FOXO3: variants seen among roughly 807,000 people sequenced by gnomAD.
FOXO3 encodes the protein forkhead box O3.
A neutral mutation model predicts 41.9 loss-of-function variants in FOXO3; 4 were observed. The ratio of observed to expected loss-of-function variants is 0.10; its 90% confidence interval spans 0.05 to 0.22. The LOEUF is 0.22. FOXO3 is among the 10% of genes least tolerant of loss of function. FOXO3 has a pLI of 1.00. For missense variants in FOXO3, 534 were observed against 906.8 expected (o/e 0.59, Z 5.28); for synonymous variants, 318 against 389.3 (o/e 0.82, Z 2.16).
chr6:108,668,785 A>G (rs1779129916), intron 2 of FOXO3, among the ~76,000 whole-genome samples: 1 of 152,176 alleles, frequency 6.6e-6, no homozygotes, highest in Non-Finnish European at 1.5e-5. Flanking sequence ...CTCATTTGTC[A>G]AAAGAAGACA....
At chr6:108,656,284 G>A (rs1778685689) in intron 1 of FOXO3, 3 of 738,632 alleles carry the variant, frequency 4.1e-6, no homozygotes, top group African/African-American at 1.9e-5. Context: ...GATACCACAT[G>A]TTGCTTCCAG....
intron 1 of FOXO3, among the ~76,000 whole-genome samples, chr6:108,565,050 G>A (rs1168015783): frequency 3.3e-5 from 5 of 151,980 alleles, no homozygotes; most frequent in Non-Finnish European, 7.4e-5. Context: ...CATAAGTAGC[G>A]CTTGCTTTCC....
chr6:108,634,727 T>G (rs1002293258), intron 1 of FOXO3, among the ~76,000 whole-genome samples: 2 of 152,098 alleles, frequency 1.3e-5, no homozygotes, highest in Non-Finnish European at 2.9e-5. Context: ...ATAAGATGGA[T>G]CATGAGGCTG....
At chr6:108,610,465 G>C (rs551532166) in intron 1 of FOXO3, among the ~76,000 whole-genome samples, 1 of 152,162 alleles carries the variant, frequency 6.6e-6, no homozygotes, top group African/African-American at 2.4e-5. Context: ...TTCATGGGCT[G>C]AGCCTCTTCA....
intron 1 of FOXO3, among the ~76,000 whole-genome samples, chr6:108,630,910 T>C (rs745393340): frequency 4.6e-5 from 7 of 152,224 alleles, no homozygotes; most frequent in Non-Finnish European, 5.9e-5. Context: ...TATTAATTAA[T>C]TGATTAGAAT....
chr6:108,620,531 A>G (rs1777637590), intron 1 of FOXO3, among the ~76,000 whole-genome samples: 1 of 152,180 alleles, frequency 6.6e-6, no homozygotes, highest in African/African-American at 2.4e-5. Context: ...GTACACAGCA[A>G]ATGGGTTTGA....
intron 1 of FOXO3, among the ~76,000 whole-genome samples, chr6:108,649,902 A>G (rs1420348066): frequency 1.3e-5 from 2 of 152,056 alleles, no homozygotes; most frequent in Admixed American, 6.5e-5. Context: ...CTGTTTCTTC[A>G]TATTTGTCCT....
intron 2 of FOXO3, among the ~76,000 whole-genome samples, chr6:108,667,198 G>A (rs943010957): frequency 6.6e-6 from 1 of 152,164 alleles, no homozygotes; most frequent in African/African-American, 2.4e-5. Context: ...TGTAATGGAA[G>A]CTAAGTAGGG....
intron 1 of FOXO3, among the ~76,000 whole-genome samples, chr6:108,569,024 G>T (rs187281496): frequency 6.6e-6 from 1 of 152,300 alleles, no homozygotes; most frequent in African/African-American, 2.4e-5. Context: ...CCATAGAATT[G>T]TTTTGCCTAA....
chr6:108,676,498 C>T (rs1193832353), intron 2 of FOXO3, among the ~76,000 whole-genome samples: 4 of 152,202 alleles, frequency 2.6e-5, no homozygotes, highest in African/African-American at 9.7e-5. Flanking sequence ...CCCTCAGCCT[C>T]CCAAAGTGCT....
intron 2 of FOXO3, among the ~76,000 whole-genome samples, chr6:108,676,530 C>T (rs1770596580): frequency 1.3e-5 from 2 of 152,206 alleles, no homozygotes; most frequent in South Asian, 4.1e-4. Context: ...CATGAGCCGC[C>T]ATGCCTGGCC....
intron 1 of FOXO3, among the ~76,000 whole-genome samples, chr6:108,591,683 T>G (rs1776735868): frequency 6.6e-6 from 1 of 152,164 alleles, no homozygotes; most frequent in Admixed American, 6.5e-5. Flanking sequence ...CAAGTTATCG[T>G]TTTTCTTTCC....
chr6:108,575,390 AAAG>A (rs1200813181), intron 1 of FOXO3, among the ~76,000 whole-genome samples: 120 of 142,708 alleles, frequency 8.4e-4, no homozygotes, highest in African/African-American at 3.4e-3. Flanking sequence ...AAAAAAAAAA[AAAG>A]AAAAGAAAAA....
At chr6:108,612,692 A>T (rs4946929) in intron 1 of FOXO3, among the ~76,000 whole-genome samples, 190 of 150,912 alleles carry the variant, frequency 1.3e-3, no homozygotes, top group African/African-American at 3.9e-3. Flanking sequence ...AAAAAAAAAT[A>T]AAAAAAAAAT....
chr6:108,592,955 C>A (rs1486152920), intron 1 of FOXO3, among the ~76,000 whole-genome samples: 1 of 152,154 alleles, frequency 6.6e-6, no homozygotes, highest in African/African-American at 2.4e-5. Context: ...AGACGTTTTC[C>A]TGGTGTGTCC....
chr6:108,638,749 T>C (rs1778179703), intron 1 of FOXO3, among the ~76,000 whole-genome samples: 1 of 152,190 alleles, frequency 6.6e-6, no homozygotes, highest in Non-Finnish European at 1.5e-5. Flanking sequence ...GTTCGTATTG[T>C]GTAGTTAGGA....
At chr6:108,622,667 G>C (rs552394763) in intron 1 of FOXO3, among the ~76,000 whole-genome samples, 1 of 152,102 alleles carries the variant, frequency 6.6e-6, no homozygotes, top group Non-Finnish European at 1.5e-5. Context: ...GAAGGGGCCC[G>C]TGTGAGGAAC....
At position 108,664,138 on chromosome 6, in the gene FOXO3, C is replaced by G. The variant is rs34239018; in HGVS notation, c.1305C>G (p.Phe435Leu). The G allele has an allele frequency of 6.2e-7, 1 of 1,614,050 alleles. No individual in the cohort carries two copies. Among genetic ancestry groups the G allele is most frequent in the Non-Finnish European group, 8.5e-7 (1 of 1,180,010 alleles). Reference sequence around the variant, plus strand: ...CCAGCTCCTTTAACAGCACGGTGTTCGGACCTTCATCTCTGAACTCCCTAC... The same window carrying G: ...CCAGCTCCTTTAACAGCACGGTGTTGGGACCTTCATCTCTGAACTCCCTAC... ...SPTSSFNSTV[F>L]GPSSLNSLRQ... The change falls in exon 2 of 3, where the codon TTC becomes TTG. Residue 435 changes from phenylalanine (F) to leucine (L), a missense_variant. Phe to Leu is a conservative substitution (Grantham distance 22, BLOSUM62 0). This residue lies in a region of FOXO3 where 185 missense variants were observed against 224.9 expected (regional missense o/e 0.82). Coordinates refer to ENST00000406360, the MANE Select transcript of FOXO3 (RefSeq NM_001455.4).
At chr6:108,660,384 AT>A (rs1778808543) in intron 1 of FOXO3, among the ~76,000 whole-genome samples, 1 of 152,194 alleles carries the variant, frequency 6.6e-6, no homozygotes, top group Non-Finnish European at 1.5e-5. Flanking sequence ...CCTGGGCAAC[AT>A]TTGCCTTATC....
Sources: gnomAD v4.1 joint callset for allele counts (sites outside exome capture counted in the v4.1 genomes callset) on GRCh38, gnomAD v4.1.1 for gene constraint, gnomAD v4.1.1 regional missense constraint, MANE v1.5 for transcripts, NCBI Gene and HGNC (gene_info 2026-07-23, HGNC 2026-07-21) for gene names.